RAP1GDS1: variants seen among roughly 807,000 people sequenced by gnomAD.
The protein encoded by RAP1GDS1 is RAP1, GTP-GDP dissociation stimulator 1.
Under a neutral mutation model 71.1 loss-of-function variants are expected in RAP1GDS1, and 35 were observed. The ratio of observed to expected loss-of-function variants is 0.49; its 90% CI spans 0.38 to 0.65. The LOEUF is 0.65. Ranked by LOEUF, RAP1GDS1 falls within the 30% of genes least tolerant of loss-of-function variation. The pLI is 0.00. For missense variants in RAP1GDS1, 663 were observed against 706.1 expected (o/e 0.94, Z 0.69); for synonymous variants, 229 against 243.1 (o/e 0.94, Z 0.54).
chr4:98,432,831 G>A (rs1303336679), intron 12 of RAP1GDS1, among the ~76,000 whole-genome samples: 1 of 152,018 alleles, frequency 6.6e-6, no homozygotes, highest in Non-Finnish European at 1.5e-5. Flanking sequence ...TAGTTCAAGA[G>A]TTCTAAGACA....
chr4:98,281,224 T>C lies in RAP1GDS1; in HGVS notation c.5-12184T>C, dbSNP rs146283457. On this transcript the variant is annotated intron_variant, in intron 1 of 14. Coordinates refer to ENST00000408927, the MANE Select transcript of RAP1GDS1 (RefSeq NM_001100427.2). ...GGGCAGTATGGCCATTTTCATGATA[T>C]TGATTTGTCCTATCCATGAGCATAG... Among the ~76,000 whole-genome samples, 1,418 of 152,338 alleles carry C rather than the reference T, an allele frequency of 9.3e-3. 23 individuals are homozygous for C. Among genetic ancestry groups the C allele is most frequent in the African/African-American group, 0.032 (1,341 of 41,572 alleles).
chr4:98,413,339 T>C (rs1387109437), intron 7 of RAP1GDS1, among the ~76,000 whole-genome samples: 1 of 151,970 alleles, frequency 6.6e-6, no homozygotes, highest in Non-Finnish European at 1.5e-5. Context: ...CATCTAGCAT[T>C]AGGTATATCT....
At chr4:98,420,240 G>A in intron 11 of RAP1GDS1, 96 bp downstream of exon 11, 3 of 1,171,688 alleles carry the variant, frequency 2.6e-6, no homozygotes, top group Non-Finnish European at 3.3e-6. Context: ...TTAGGATTAT[G>A]TAATCATAAA....
chr4:98,352,610 T>C lies in RAP1GDS1; in HGVS notation c.361+9T>C. The C allele has an allele frequency of 2.5e-6, 4 of 1,613,232 alleles. No homozygotes were observed. The South Asian group carries it at 3.3e-5, about 13-fold the overall frequency. The stretch of plus-strand genomic sequence containing the variant: ...CATATGTTACGATAGCCGTAAGTGT[T>C]GACATCTCAATAATACACATACATT... On this transcript the variant is annotated intron_variant, in intron 4 of 14. Transcript: ENST00000408927.
intron 2 of RAP1GDS1, among the ~76,000 whole-genome samples, chr4:98,335,066 A>C (rs987781078): frequency 6.6e-6 from 1 of 152,196 alleles, no homozygotes; most frequent in African/African-American, 2.4e-5. Flanking sequence ...CATCAGTTAA[A>C]AAATGAGAAT....
At position 98,343,261 on chromosome 4, in the gene RAP1GDS1, G is replaced by T; in HGVS notation, c.235G>T (p.Glu79Ter). ...ANIIAEVAKN[E>*]FMRIPCVDAG... ...CATCATAGCAGAAGTAGCCAAAAATGGTGAGGTTTACCTCAAGAACTTTTC... is the reference window on the plus strand; with the variant it reads ...CATCATAGCAGAAGTAGCCAAAAATTGTGAGGTTTACCTCAAGAACTTTTC... Residue 79 changes from glutamate to a stop codon, truncating the protein, a stop_gained and splice_region_variant, in exon 3 of 15, where the codon GAG (glutamate) becomes TAG (stop). Transcript: ENST00000408927. LOFTEE classifies it high-confidence loss of function. 6.2e-7 allele frequency: 1 copy of T among 1,601,346 alleles called. No individual in the cohort carries two copies. The highest frequency in any genetic ancestry group is 8.6e-7 in the Non-Finnish European group (1 of 1,168,574).
intron 1 of RAP1GDS1, among the ~76,000 whole-genome samples, chr4:98,268,582 G>A (rs1431360346): frequency 6.6e-6 from 1 of 151,696 alleles, no homozygotes. Context: ...TGAAAAAAAA[G>A]ACAAAAACTA....
At chr4:98,305,807 A>G (rs188401660) in intron 2 of RAP1GDS1, among the ~76,000 whole-genome samples, 147 of 152,326 alleles carry the variant, frequency 9.7e-4, no homozygotes, top group Non-Finnish European at 1.6e-3. Context: ...TGCTAACATT[A>G]GCTAATGAAT....
intron 4 of RAP1GDS1, among the ~76,000 whole-genome samples, 195 bp from the exon 5 acceptor site, chr4:98,378,822 C>G (rs1033514903): frequency 5.9e-5 from 9 of 151,786 alleles, no homozygotes; most frequent in Non-Finnish European, 7.4e-5. Context: ...AAGTGATTGT[C>G]TCTTTTCCCC....
chr4:98,366,766 T>A (rs1739559078), intron 4 of RAP1GDS1, among the ~76,000 whole-genome samples: 1 of 152,178 alleles, frequency 6.6e-6, no homozygotes, highest in Admixed American at 6.5e-5. Context: ...CCTAGAGATT[T>A]GTGGAACTTT....
At chr4:98,395,378 T>G (rs1248114544) in intron 6 of RAP1GDS1, among the ~76,000 whole-genome samples, 1 of 152,136 alleles carries the variant, frequency 6.6e-6, no homozygotes, top group African/African-American at 2.4e-5. Context: ...TAAAAGAAGT[T>G]TTTCTTACAT....
chr4:98,431,972 GT>G (rs1750473078), intron 12 of RAP1GDS1, among the ~76,000 whole-genome samples: 1 of 152,018 alleles, frequency 6.6e-6, no homozygotes, highest in Admixed American at 6.6e-5. Flanking sequence ...TAGGGTACAT[GT>G]GCACAACGTG....
chr4:98,290,473 T>G (rs1726759048), intron 1 of RAP1GDS1, among the ~76,000 whole-genome samples: 1 of 152,086 alleles, frequency 6.6e-6, no homozygotes, highest in Non-Finnish European at 1.5e-5. Flanking sequence ...TTTCTTAGAT[T>G]GATGTTAAGA....
At chr4:98,269,867 C>T (rs1429324113) in intron 1 of RAP1GDS1, among the ~76,000 whole-genome samples, 2 of 152,128 alleles carry the variant, frequency 1.3e-5, no homozygotes, top group Non-Finnish European at 2.9e-5. Flanking sequence ...ATAAGGGATA[C>T]TCAATCTGTA....
At chr4:98,411,456 A>G (rs1246694220) in intron 7 of RAP1GDS1, among the ~76,000 whole-genome samples, 1 of 152,200 alleles carries the variant, frequency 6.6e-6, no homozygotes, top group Non-Finnish European at 1.5e-5. Context: ...CTCAAAAAAA[A>G]AAATTAATTA....
chr4:98,281,708 C>A (rs4699619), intron 1 of RAP1GDS1, among the ~76,000 whole-genome samples: 64,184 of 152,012 alleles, frequency 0.42, 16,731 homozygotes, highest in African/African-American at 0.74. Flanking sequence ...GGAATGCTTC[C>A]AGTTTTTGCC....
At chr4:98,282,983 G>A (rs1725388516) in intron 1 of RAP1GDS1, among the ~76,000 whole-genome samples, 1 of 152,108 alleles carries the variant, frequency 6.6e-6, no homozygotes, top group Non-Finnish European at 1.5e-5. Flanking sequence ...TGGTCTGAGA[G>A]ACAGTTTGTT....
intron 2 of RAP1GDS1, among the ~76,000 whole-genome samples, chr4:98,313,558 G>A (rs750673167): frequency 6.6e-6 from 1 of 152,118 alleles, no homozygotes; most frequent in Non-Finnish European, 1.5e-5. Context: ...AGAAGCTACA[G>A]TTGGGCCTGG....
chr4:98,430,315 G>A (rs955744939), intron 12 of RAP1GDS1, among the ~76,000 whole-genome samples: 1 of 152,188 alleles, frequency 6.6e-6, no homozygotes, highest in African/African-American at 2.4e-5. Context: ...CTACAATTGA[G>A]AGTATACTGC....
Sources: allele counts gnomAD v4.1 joint callset (sites outside exome capture counted in the v4.1 genomes callset), GRCh38; gene constraint gnomAD v4.1.1; transcripts MANE v1.5; gene names NCBI Gene and HGNC (gene_info 2026-07-23, HGNC 2026-07-21).